TJP1: variants seen among roughly 807,000 people sequenced by gnomAD.
TJP1 encodes the protein tight junction protein 1.
A neutral mutation model predicts 194.2 loss-of-function variants in TJP1; 43 were observed. The ratio of observed to expected loss-of-function variants is 0.22; its 90% CI spans 0.17 to 0.29. TJP1 has a LOEUF of 0.29. Ranked by LOEUF, TJP1 falls within the 10% of genes least tolerant of loss-of-function variation. The pLI is 1.00. For missense variants in TJP1, 1,971 were observed against 2,185.7 expected (o/e 0.90, Z 1.96); for synonymous variants, 801 against 779.0 (o/e 1.03, Z -0.47).
intron 2 of TJP1, among the ~76,000 whole-genome samples, chr15:29,943,626 CT>C (rs1173650104): frequency 1.4e-5 from 1 of 69,394 alleles, no homozygotes; most frequent in Admixed American, 2.4e-4. Flanking sequence ...GAGACTCCAT[CT>C]CAAAAAAAAA....
At chr15:29,754,888 T>C (rs975552683) in intron 8 of TJP1, among the ~76,000 whole-genome samples, 1 of 152,182 alleles carries the variant, frequency 6.6e-6, no homozygotes, top group African/African-American at 2.4e-5. Flanking sequence ...TTAAGCAATA[T>C]GTGACAGAAA....
chr15:29,921,438 A>T (rs1281579166), intron 2 of TJP1, among the ~76,000 whole-genome samples: 6 of 152,130 alleles, frequency 3.9e-5, no homozygotes, highest in African/African-American at 1.4e-4. Context: ...CTTCCCTGCA[A>T]ACCTGCAGGG....
At chr15:29,702,767 T>C (rs2041633014) in intron 27 of TJP1, among the ~76,000 whole-genome samples, 1 of 152,214 alleles carries the variant, frequency 6.6e-6, no homozygotes, top group African/African-American at 2.4e-5. Flanking sequence ...GAAATATGTA[T>C]TTACATGTAA....
intron 2 of TJP1, among the ~76,000 whole-genome samples, chr15:29,785,140 G>C (rs191941773): frequency 6.6e-6 from 1 of 152,316 alleles, no homozygotes; most frequent in Non-Finnish European, 1.5e-5. Context: ...AAAATGTACA[G>C]GATAACTTTT....
At chr15:29,763,479 A>G (rs1273674446) in intron 5 of TJP1, among the ~76,000 whole-genome samples, 2 of 152,190 alleles carry the variant, frequency 1.3e-5, no homozygotes, top group South Asian at 4.1e-4. Flanking sequence ...TAAAAATTAC[A>G]TAAGAGTAGG....
At chr15:29,752,776 T>TA (rs1479499816) in intron 8 of TJP1, among the ~76,000 whole-genome samples, 1 of 152,124 alleles carries the variant, frequency 6.6e-6, no homozygotes, top group African/African-American at 2.4e-5. Context: ...TAAACAACAT[T>TA]AAAAAAACTT....
intron 9 of TJP1, among the ~76,000 whole-genome samples, chr15:29,741,918 A>G (rs2044448548): frequency 6.6e-6 from 1 of 152,192 alleles, no homozygotes; most frequent in African/African-American, 2.4e-5. Flanking sequence ...TTGTCTTCAC[A>G]GACAGCTTTA....
chr15:29,881,936 TATATATATAG>T (rs992347519), intron 2 of TJP1, among the ~76,000 whole-genome samples: 215 of 151,510 alleles, frequency 1.4e-3, no homozygotes, highest in African/African-American at 4.6e-3. Flanking sequence ...CTTATAAAGA[TATATATATAG>T]ATATATATAG....
rs563535771 is a variant in TJP1 at position 29,955,753 on chromosome 15, T to TAAAA, written c.306+475_306+478dup. 2.0e-3 allele frequency among the ~76,000 whole-genome samples: 71 copies of TAAAA among 35,798 alleles called. 1 individual carries two copies. The highest frequency in any genetic ancestry group is 5.2e-3 in the African/African-American group (43 of 8,296). 23.5% of individuals were successfully genotyped at this position (35,798 alleles called of 152,430 possible). A position where few individuals can be genotyped will look rare whatever the true frequency, so the allele number is the denominator to read the frequency against. ...GCAACAGAAGGAGACCCTGGCTCTT[T>TAAAA]AAAAAAAAAAAAAAAAAAAAAAAAA... is the stretch of plus-strand genomic sequence containing the variant. On this transcript the variant is annotated intron_variant, in intron 2 of 28. Coordinates refer to the TJP1 transcript ENST00000356107.
At chr15:29,899,491 G>A (rs759545727) in intron 2 of TJP1, among the ~76,000 whole-genome samples, 3 of 152,158 alleles carry the variant, frequency 2.0e-5, no homozygotes, top group Non-Finnish European at 4.4e-5. Context: ...CAGATGGGCA[G>A]AAGATGTGGT....
intron 23 of TJP1, among the ~76,000 whole-genome samples, 177 bp from the exon 24 acceptor site, chr15:29,711,177 G>A (rs889485821): frequency 2.0e-5 from 3 of 151,752 alleles, no homozygotes; most frequent in South Asian, 2.1e-4. Context: ...ACCATTCATC[G>A]GCACAAGAAA....
chr15:29,907,331 C>T (rs975539162), intron 2 of TJP1, among the ~76,000 whole-genome samples: 18 of 152,168 alleles, frequency 1.2e-4, no homozygotes, highest in South Asian at 8.3e-4. Flanking sequence ...ATGGAGTGAA[C>T]CTGGGAGGTG....
chr15:29,894,415 C>T (rs181270886), intron 2 of TJP1, among the ~76,000 whole-genome samples: 7 of 152,296 alleles, frequency 4.6e-5, no homozygotes, highest in East Asian at 3.9e-4. Flanking sequence ...GCCAACATCA[C>T]GCCACTGCAC....
At position 29,833,879 on chromosome 15, in the gene TJP1, A is replaced by ATTT. The variant is rs1460129845; in HGVS notation, c.307-33178_307-33177insAAA. On this transcript the variant is annotated intron_variant, in intron 2 of 28. Coordinates refer to the TJP1 transcript ENST00000356107. ...TAAGTATATATATATATATATATAT[A>ATTT]TATTTTTTTTTTTTTTTTTTTTGAG... 6.5e-4 allele frequency among the ~76,000 whole-genome samples: 9 copies of ATTT among 13,788 alleles called. 1 individual carries two copies. Among genetic ancestry groups the ATTT allele is most frequent in the African/African-American group, 9.8e-4 (4 of 4,072 alleles). The allele number at this position is 13,788 out of a possible 152,430, so 9.0% of individuals were successfully genotyped here.
chr15:29,714,325 G>A (rs1440085376), intron 23 of TJP1, among the ~76,000 whole-genome samples: 1 of 151,300 alleles, frequency 6.6e-6, no homozygotes, highest in African/African-American at 2.4e-5. Flanking sequence ...TGCAAGCTCC[G>A]CCTCCCGGGT....
exon 1 of TJP1, chr15:29,968,800 TCCG>T (rs1296788574): frequency 7.3e-5 from 87 of 1,191,720 alleles, no homozygotes; most frequent in Middle Eastern, 4.6e-4. Context: ...CCCCGCCGCC[TCCG>T]CCGCCGCCGC....
At chr15:29,856,857 CA>C (rs77177219) in intron 2 of TJP1, among the ~76,000 whole-genome samples, 1,825 of 101,042 alleles carry the variant, frequency 0.018, 17 homozygotes, top group African/African-American at 0.029. Flanking sequence ...GACTCCGTCT[CA>C]AAAAAAAAAA....
intron 1 of TJP1, among the ~76,000 whole-genome samples, chr15:29,819,100 T>G (rs962539897): frequency 1.3e-5 from 2 of 152,234 alleles, no homozygotes; most frequent in African/African-American, 4.8e-5. Context: ...GCACGGAGGA[T>G]TCTTTTCAAT....
intron 8 of TJP1, among the ~76,000 whole-genome samples, chr15:29,750,163 C>T (rs534373155): frequency 7.9e-5 from 12 of 152,266 alleles, no homozygotes; most frequent in African/African-American, 2.2e-4. Context: ...CGTGCCACCA[C>T]GCCCAGCTAA....
Sources: gnomAD v4.1 joint callset for allele counts (sites outside exome capture counted in the v4.1 genomes callset) on GRCh38, gnomAD v4.1.1 for gene constraint, MANE v1.5 for transcripts, NCBI Gene and HGNC (gene_info 2026-07-23, HGNC 2026-07-21) for gene names.